ZMYND8: variants seen among roughly 807,000 people sequenced by gnomAD.
The protein encoded by ZMYND8 is zinc finger MYND-type containing 8.
A neutral mutation model predicts 140.8 loss-of-function variants in ZMYND8; 37 were observed. The ratio of observed to expected loss-of-function variants is 0.26; its 90% CI spans 0.20 to 0.35. ZMYND8 has a LOEUF of 0.35. Ranked by LOEUF, ZMYND8 falls within the 10% of genes least tolerant of loss-of-function variation. ZMYND8 has a pLI of 1.00. For synonymous variants in ZMYND8, 592 were observed against 597.1 expected, an observed-to-expected ratio of 0.99 and a Z score of 0.12; for missense variants, 1,068 against 1,570.0, an observed-to-expected ratio of 0.68 and a Z score of 5.40.
chr20:47,243,676 A>G (rs1454255547), intron 14 of ZMYND8, among the ~76,000 whole-genome samples: 2 of 152,054 alleles, frequency 1.3e-5, no homozygotes, highest in Non-Finnish European at 2.9e-5. Context: ...CTTTATTTTC[A>G]TCTTGTTTCA....
intron 2 of ZMYND8, among the ~76,000 whole-genome samples, chr20:47,337,490 T>C (rs141142635): frequency 7.5e-4 from 114 of 152,174 alleles, no homozygotes; most frequent in African/African-American, 2.6e-3. Flanking sequence ...AACACGGCAA[T>C]AACCCTCTAT....
intron 21 of ZMYND8, among the ~76,000 whole-genome samples, chr20:47,217,185 T>C (rs1165658470): frequency 3.3e-5 from 5 of 151,886 alleles, no homozygotes; most frequent in Admixed American, 3.3e-4. Flanking sequence ...TAGAATTGGG[T>C]GAGGAAAAAA....
At position 47,298,523 on chromosome 20, in the gene ZMYND8, T is replaced by C; in HGVS notation, c.453+206A>G. ...GACTCATGAGAAATCAGAAATAATA[T>C]TCCGTGCAATTGTCTTTCCAAGAGC... is the stretch of plus-strand genomic sequence containing the variant. On this transcript the variant is annotated intron_variant, in intron 4 of 22. Transcript: ENST00000471951. The surrounding 1 kb of genome is among the most constrained non-coding windows in gnomAD (Gnocchi z 5.0). The C allele has an allele frequency of 1.0e-6, 1 of 985,432 alleles. No homozygotes were observed. Among genetic ancestry groups the C allele is most frequent in the Non-Finnish European group, 1.2e-6 (1 of 829,932 alleles). 61.0% of individuals were successfully genotyped at this position (985,432 alleles called of 1,614,324 possible).
At chr20:47,216,918 T>C (rs906773241) in intron 21 of ZMYND8, among the ~76,000 whole-genome samples, 13 of 152,210 alleles carry the variant, frequency 8.5e-5, no homozygotes, top group African/African-American at 3.1e-4. Flanking sequence ...CTTCTGAGGT[T>C]AGTGACCCAG....
At chr20:47,290,336 C>G (rs769452872) in intron 6 of ZMYND8, 62 bp from the exon 7 acceptor site, 154 of 1,432,092 alleles carry the variant, frequency 1.1e-4, no homozygotes, top group Non-Finnish European at 1.4e-4. Flanking sequence ...GTCAGTGACT[C>G]TTGTGTCCCC....
At chr20:47,302,578 G>C (rs2078142602) in intron 3 of ZMYND8, among the ~76,000 whole-genome samples, 2 of 151,946 alleles carry the variant, frequency 1.3e-5, no homozygotes, top group Non-Finnish European at 2.9e-5. Context: ...GATGAATAAG[G>C]AATACTCAAC....
intron 13 of ZMYND8, among the ~76,000 whole-genome samples, chr20:47,247,929 C>G (rs1246919760): frequency 6.6e-6 from 1 of 152,156 alleles, no homozygotes; most frequent in Non-Finnish European, 1.5e-5. Flanking sequence ...CAGGGCAACA[C>G]AGGAAGAACA....
At chr20:47,315,454 GAGA>G (rs1569179137) in intron 2 of ZMYND8, among the ~76,000 whole-genome samples, 1 of 152,124 alleles carries the variant, frequency 6.6e-6, no homozygotes, top group African/African-American at 2.4e-5. Flanking sequence ...GGGTTGTAGG[GAGA>G]AGAATTAGGA....
chr20:47,347,197 G>A (rs1457602953), intron 2 of ZMYND8, among the ~76,000 whole-genome samples: 3 of 152,160 alleles, frequency 2.0e-5, no homozygotes, highest in Non-Finnish European at 2.9e-5. Context: ...ATTTGTGAAA[G>A]CACCCTGAAG....
chr20:47,216,298 A>G (rs970820577), intron 21 of ZMYND8, among the ~76,000 whole-genome samples: 4 of 152,152 alleles, frequency 2.6e-5, no homozygotes, highest in Non-Finnish European at 4.4e-5. Flanking sequence ...GTTCAAGACC[A>G]GCCTGGCCAA....
rs146566134 is a variant in ZMYND8, at chr20:47,271,742, G to A, written c.1480+4572C>T. Among the ~76,000 whole-genome samples the A allele has an allele frequency of 5.4e-4, 82 of 152,274 alleles. 1 individual carries two copies. The East Asian group carries it at 0.013, about 24-fold the overall frequency. On this transcript the variant is annotated intron_variant, in intron 11 of 22. Coordinates refer to ENST00000471951, the MANE Select transcript of ZMYND8 (RefSeq NM_001281775.3). ...GTCTCCCAGGCTGGAGTACAGTGGC[G>A]TGATCTCAAGCTCACTGCAACCTCC...
chr20:47,227,252 C>T lies in ZMYND8; in HGVS notation c.2967G>A (p.Lys989=). The change falls in exon 18 of 23, where the codon AAG becomes AAA. Residue 989 remains lysine, a synonymous_variant. Transcript: ENST00000471951. ...EIRRLRIEIE[K]LQWLHQQELS... is the part of the protein sequence containing the mutation. The stretch of plus-strand genomic sequence containing the variant: ...GCTCTTGCTGGTGCAGCCACTGGAG[C>T]TTCTCTATCTCGATCCTCAGCCTGC... The T allele has an allele frequency of 1.9e-6, 3 of 1,614,220 alleles. No homozygotes were observed. Among genetic ancestry groups the T allele is most frequent in the Non-Finnish European group, 1.7e-6 (2 of 1,180,030 alleles).
intron 12 of ZMYND8, among the ~76,000 whole-genome samples, chr20:47,254,630 A>C (rs2074445367): frequency 6.6e-6 from 1 of 151,256 alleles, no homozygotes; most frequent in Non-Finnish European, 1.5e-5. Flanking sequence ...GGAGCCAAGA[A>C]GGAAATGGAA....
intron 3 of ZMYND8, among the ~76,000 whole-genome samples, chr20:47,304,199 A>G (rs2078301647): frequency 6.6e-6 from 1 of 152,230 alleles, no homozygotes; most frequent in African/African-American, 2.4e-5. Context: ...ATACTGCAGA[A>G]GAGAAAATGT....
chr20:47,227,039 C>T (rs977917032), intron 18 of ZMYND8, among the ~76,000 whole-genome samples, 164 bp downstream of exon 18: 1 of 152,208 alleles, frequency 6.6e-6, no homozygotes. Context: ...CACTCTTACA[C>T]CTGGTTTCTC....
chr20:47,267,501 G>A lies in ZMYND8; in HGVS notation c.1481-5073C>T, dbSNP rs916224148. 8.4e-5 allele frequency among the ~76,000 whole-genome samples: 12 copies of A among 143,096 alleles called. No homozygotes were observed. In the South Asian group the frequency reaches 1.4e-3, roughly 17 times the overall value. 93.9% of individuals were successfully genotyped at this position (143,096 alleles called of 152,430 possible). ...AAAATGGTTCAGGGCCGGGGCGGGG[G>A]GGGGGCAATTAAAAGACTGGGCAAC... On this transcript the variant is annotated intron_variant, in intron 11 of 22. Coordinates refer to ENST00000471951, the MANE Select transcript of ZMYND8 (RefSeq NM_001281775.3).
intron 2 of ZMYND8, among the ~76,000 whole-genome samples, chr20:47,330,197 C>T (rs1049514396): frequency 2.0e-5 from 3 of 151,932 alleles, no homozygotes; most frequent in African/African-American, 4.8e-5. Context: ...CTCACAAGGC[C>T]GTGCAGTCTG....
At chr20:47,318,793 TC>T (rs2079636357) in intron 2 of ZMYND8, 1 of 515,630 alleles carries the variant, frequency 1.9e-6, no homozygotes. Context: ...AACAGGAACT[TC>T]TCATCCAGAG....
At chr20:47,351,470 T>C (rs1310916059) in intron 1 of ZMYND8, among the ~76,000 whole-genome samples, 1 of 152,188 alleles carries the variant, frequency 6.6e-6, no homozygotes, top group Non-Finnish European at 1.5e-5. Flanking sequence ...CGCACAGCAA[T>C]TCAAGAATCA....
Sources: gnomAD v4.1 joint callset for allele counts (sites outside exome capture counted in the v4.1 genomes callset) on GRCh38, gnomAD v4.1.1 for gene constraint, Gnocchi (gnomAD v3.1) non-coding constraint, MANE v1.5 for transcripts, NCBI Gene and HGNC (gene_info 2026-07-23, HGNC 2026-07-21) for gene names.